The following SBK1 variants were observed in gnomAD, a reference collection of about 807,000 sequenced individuals.
SBK1 encodes the protein serine/threonine-protein kinase SBK1.
Under a neutral mutation model 24.4 loss-of-function variants are expected in SBK1, and 11 were observed. The observed-to-expected ratio is 0.45, with a 90% CI of 0.28 to 0.75. SBK1 has a LOEUF of 0.75. Ranked by LOEUF, SBK1 falls within the 30% of genes least tolerant of loss-of-function variation. The pLI, the probability that SBK1 is intolerant of heterozygous loss-of-function variation, is 0.12. For synonymous variants in SBK1, 308 were observed against 284.4 expected (o/e 1.08, Z -0.83); for missense variants, 467 against 620.5 (o/e 0.75, Z 2.63).
intron 1 of SBK1, among the ~76,000 whole-genome samples, chr16:28,284,661 C>T (rs568880842): frequency 4.8e-4 from 73 of 152,320 alleles, no homozygotes; most frequent in Non-Finnish European, 1.0e-3. Context: ...ATAATCAGGC[C>T]GGGCGCAGTG....
At chr16:28,279,837 G>A (rs1485424510) in intron 1 of SBK1, among the ~76,000 whole-genome samples, 1 of 151,908 alleles carries the variant, frequency 6.6e-6, no homozygotes, top group African/African-American at 2.4e-5. Context: ...GGAGGCGGCC[G>A]GCTTCCAGCA....
chr16:28,295,061 G>A (rs1181113074), intron 1 of SBK1, among the ~76,000 whole-genome samples: 1 of 152,212 alleles, frequency 6.6e-6, no homozygotes, highest in Non-Finnish European at 1.5e-5. Flanking sequence ...TTTCCCCCCA[G>A]TGGGGGTTCC....
At chr16:28,308,561 T>C (rs1433542810) in intron 1 of SBK1, among the ~76,000 whole-genome samples, 2 of 142,820 alleles carry the variant, frequency 1.4e-5, no homozygotes, top group African/African-American at 5.2e-5. Flanking sequence ...TATCTGGGAC[T>C]ATAGGCATGT....
intron 1 of SBK1, among the ~76,000 whole-genome samples, chr16:28,316,169 G>A (rs527305425): frequency 1.3e-4 from 20 of 152,312 alleles, no homozygotes; most frequent in Admixed American, 1.1e-3. Context: ...GTGCTGATGT[G>A]TGGCCATGTG....
At chr16:28,260,795 C>G (rs1394756557) in intron 1 of SBK1, among the ~76,000 whole-genome samples, 2 of 152,136 alleles carry the variant, frequency 1.3e-5, no homozygotes, top group Non-Finnish European at 2.9e-5. Flanking sequence ...CAGGTCAGTT[C>G]TGCACAGGGT....
chr16:28,264,919 G>A (rs1321052249), intron 1 of SBK1, among the ~76,000 whole-genome samples: 9 of 152,050 alleles, frequency 5.9e-5, no homozygotes, highest in South Asian at 2.1e-4. Flanking sequence ...AGGAAGTGTC[G>A]CGAGGAGAGG....
intron 1 of SBK1, among the ~76,000 whole-genome samples, chr16:28,275,054 T>TG (rs2044487892): frequency 6.6e-6 from 1 of 152,012 alleles, no homozygotes; most frequent in African/African-American, 2.4e-5. Context: ...GGGCCGGGCG[T>TG]GGTGGCTCAC....
chr16:28,309,382 A>G (rs1286472944), intron 1 of SBK1, among the ~76,000 whole-genome samples: 3 of 152,258 alleles, frequency 2.0e-5, no homozygotes, highest in Non-Finnish European at 2.9e-5. Flanking sequence ...GTAGTATAGG[A>G]GAGGACACAC....
chr16:28,268,947 C>A (rs2044446483), intron 1 of SBK1, among the ~76,000 whole-genome samples: 1 of 151,848 alleles, frequency 6.6e-6, no homozygotes, highest in Admixed American at 6.6e-5. Context: ...AGTTTTGGCT[C>A]AACTGCTGTG....
intron 1 of SBK1, among the ~76,000 whole-genome samples, chr16:28,270,908 G>A (rs1336255884): frequency 6.6e-6 from 1 of 151,558 alleles, no homozygotes; most frequent in South Asian, 2.1e-4. Flanking sequence ...CTGTTGCCCA[G>A]GCTGGAGTGC....
rs1299298067 is a variant in SBK1 at position 28,322,103 on chromosome 16, T to C, written c.*1182T>C. The C allele has an allele frequency of 6.6e-6, 1 of 152,628 alleles. No individual in the cohort carries two copies. The highest frequency in any genetic ancestry group is 1.5e-5 in the Non-Finnish European group (1 of 68,330). 9.5% of individuals were successfully genotyped at this position (152,628 alleles called of 1,614,324 possible). On this transcript the variant is annotated 3_prime_UTR_variant, in exon 4 of 4. Coordinates refer to ENST00000341901, the MANE Select transcript of SBK1 (RefSeq NM_001024401.3). ...CGGTGGACACCAGGGGGCGAGTGTGTGACTAGGTGTGTGTGCACATGTGTA... is the reference window on the plus strand; with the variant it reads ...CGGTGGACACCAGGGGGCGAGTGTGCGACTAGGTGTGTGTGCACATGTGTA...
intron 1 of SBK1, among the ~76,000 whole-genome samples, chr16:28,260,215 T>C (rs1036772431): frequency 2.6e-5 from 4 of 152,088 alleles, no homozygotes; most frequent in Admixed American, 2.0e-4. Context: ...GGAGCAGGTA[T>C]GAGTGCTGCA....
intron 1 of SBK1, among the ~76,000 whole-genome samples, chr16:28,308,740 G>GTGT (rs2044733552): frequency 7.7e-5 from 10 of 130,536 alleles, no homozygotes; most frequent in Non-Finnish European, 1.5e-4. Flanking sequence ...CGTTCTTTGG[G>GTGT]GTGTGTGTGT....
intron 1 of SBK1, among the ~76,000 whole-genome samples, chr16:28,313,940 A>C (rs895691824): frequency 7.2e-5 from 11 of 151,890 alleles, no homozygotes; most frequent in Non-Finnish European, 1.5e-4. Context: ...ACCCCCTCCC[A>C]GCCTCCAGCA....
chr16:28,292,087 C>CTTA (rs1370926685), upstream of SBK1: 5 of 151,996 alleles, frequency 3.3e-5, no homozygotes, highest in African/African-American at 1.2e-4. Flanking sequence ...ATTTGTTTTC[C>CTTA]CTCCTTCAAA....
At chr16:28,269,831 G>T (rs2044453404) in intron 1 of SBK1, among the ~76,000 whole-genome samples, 1 of 152,050 alleles carries the variant, frequency 6.6e-6, no homozygotes, top group Admixed American at 6.6e-5. Flanking sequence ...AGCCAAGATT[G>T]CACCACTGCA....
chr16:28,276,510 G>A (rs568767154), intron 1 of SBK1, among the ~76,000 whole-genome samples: 2 of 151,378 alleles, frequency 1.3e-5, no homozygotes, highest in Non-Finnish European at 2.9e-5. Context: ...CCTGGCTAGC[G>A]CTGTGCCAGG....
chr16:28,287,298 A>AAAAAAAAAT (rs2044571781), intron 1 of SBK1, among the ~76,000 whole-genome samples: 1 of 149,120 alleles, frequency 6.7e-6, no homozygotes, highest in African/African-American at 2.5e-5. Context: ...AAAAAAAAAA[A>AAAAAAAAAT]ATTAGCTGGG....
rs1230385223 is a variant in SBK1 at position 28,280,149 on chromosome 16, A to ATATATGTG, written c.257+20648_257+20649insATATGTGT. Reference sequence around the variant, plus strand: ...TATATATATATATATATATATATATATGTGTGTGTGTGTGTGTGTGTGTAT... The same window carrying ATATATGTG: ...TATATATATATATATATATATATATATATATGTGTGTGTGTGTGTGTGTGTGTGTGTAT... On this transcript the variant is annotated intron_variant, in intron 1 of 3. Transcript: ENST00000671413. Among the ~76,000 whole-genome samples, 153 of 39,382 alleles carry ATATATGTG rather than the reference A, an allele frequency of 3.9e-3. 1 individual carries two copies. Among genetic ancestry groups the ATATATGTG allele is most frequent in the African/African-American group, 8.0e-3 (97 of 12,130 alleles). The allele number at this position is 39,382 out of a possible 152,430, so 25.8% of individuals were successfully genotyped here. A position where few individuals can be genotyped will look rare whatever the true frequency, so the allele number is the denominator to read the frequency against.
Sources: gnomAD v4.1 joint callset for allele counts (sites outside exome capture counted in the v4.1 genomes callset) on GRCh38, gnomAD v4.1.1 for gene constraint, MANE v1.5 for transcripts, NCBI Gene and HGNC (gene_info 2026-07-23, HGNC 2026-07-21) for gene names.